The following RFTN2 variants were observed in gnomAD, a reference collection of about 807,000 sequenced individuals.
RFTN2 encodes the protein raftlin-2.
A neutral mutation model predicts 52.7 loss-of-function variants in RFTN2; 34 were observed. The ratio of observed to expected loss-of-function variants is 0.64; its 90% CI spans 0.49 to 0.86. RFTN2 has a LOEUF of 0.86. RFTN2 is among the 40% of genes least tolerant of loss of function. The probability of loss-of-function intolerance (pLI) is 0.00; values close to 1 mark genes in which losing one functional copy is unlikely to be tolerated. For synonymous variants in RFTN2, 203 were observed against 217.7 expected, an observed-to-expected ratio of 0.93 and a Z score of 0.59; for missense variants, 536 against 600.1, an observed-to-expected ratio of 0.89 and a Z score of 1.12.
intron 7 of RFTN2, among the ~76,000 whole-genome samples, chr2:197,604,692 A>G (rs971711209): frequency 6.6e-6 from 1 of 152,218 alleles, no homozygotes; most frequent in Non-Finnish European, 1.5e-5. Context: ...AGCTGTGATG[A>G]CACAGGTCTT....
intron 5 of RFTN2, among the ~76,000 whole-genome samples, chr2:197,627,270 T>G (rs1034952864): frequency 6.6e-6 from 1 of 152,196 alleles, no homozygotes; most frequent in Non-Finnish European, 1.5e-5. Flanking sequence ...TGCTGCCTTC[T>G]CAGAGGGGAC....
intron 5 of RFTN2, among the ~76,000 whole-genome samples, chr2:197,618,569 C>T (rs1204444897): frequency 4.6e-5 from 7 of 151,590 alleles, no homozygotes; most frequent in Non-Finnish European, 8.8e-5. Flanking sequence ...GTGAGGAGCC[C>T]CTCTGCCTGG....
At chr2:197,665,733 T>C (rs1021629108) in intron 1 of RFTN2, among the ~76,000 whole-genome samples, 4 of 152,020 alleles carry the variant, frequency 2.6e-5, no homozygotes, top group Non-Finnish European at 5.9e-5. Flanking sequence ...CCAGTATATA[T>C]GTTTTAAGTG....
In RFTN2 at chr2:197,601,043, G is replaced by C. The variant is rs74379805; in HGVS notation, c.1155-4974C>G. On this transcript the variant is annotated intron_variant, in intron 7 of 8. Coordinates refer to ENST00000295049, the MANE Select transcript of RFTN2 (RefSeq NM_144629.3). ...TGATCCCTGGTGCTGTGGTCAGCAC[G>C]AGGGCACAGGCTGCATGAAGGACAG... 8.8e-3 allele frequency among the ~76,000 whole-genome samples: 1,342 copies of C among 152,294 alleles called. 31 individuals carry two copies. The highest frequency in any genetic ancestry group is 0.03 in the African/African-American group (1,237 of 41,562).
At position 197,577,455 on chromosome 2, in the gene RFTN2, A is replaced by C. The variant is rs553959231; in HGVS notation, c.1234-5175T>G. ...TTCAGTTCTTTTCCTGTTTATTCCT[A>C]TTCACCAAATTTATTGAAATTAATA... On this transcript the variant is annotated intron_variant, in intron 8 of 8. Coordinates refer to ENST00000295049, the MANE Select transcript of RFTN2 (RefSeq NM_144629.3). 4.5e-4 allele frequency among the ~76,000 whole-genome samples: 68 copies of C among 152,302 alleles called. 1 individual carries two copies. The South Asian group carries it at 0.013, about 30-fold the overall frequency.
chr2:197,602,336 G>C (rs2087892875), intron 7 of RFTN2, among the ~76,000 whole-genome samples: 1 of 152,114 alleles, frequency 6.6e-6, no homozygotes, highest in African/African-American at 2.4e-5. Flanking sequence ...CTCCCAAAGT[G>C]CTGGGATTAC....
intron 1 of RFTN2, among the ~76,000 whole-genome samples, chr2:197,665,726 GTA>G (rs1334114602): frequency 6.6e-6 from 1 of 151,874 alleles, no homozygotes; most frequent in Non-Finnish European, 1.5e-5. Flanking sequence ...CATTCAGCCA[GTA>G]TATATGTTTT....
intron 1 of RFTN2, among the ~76,000 whole-genome samples, chr2:197,653,948 A>G (rs2088857823): frequency 6.6e-6 from 1 of 152,236 alleles, no homozygotes; most frequent in Admixed American, 6.5e-5. Flanking sequence ...TTATTTCAAA[A>G]AGAATTTATA....
At chr2:197,629,784 G>A (rs1016870055) in intron 5 of RFTN2, among the ~76,000 whole-genome samples, 2 of 150,950 alleles carry the variant, frequency 1.3e-5, no homozygotes, top group Admixed American at 1.3e-4. Flanking sequence ...ATGTTGTGGT[G>A]CAATCATGGC....
chr2:197,618,082 C>CG, intron 5 of RFTN2, 161 bp from the exon 6 acceptor site: 1 of 367,468 alleles, frequency 2.7e-6, no homozygotes, highest in South Asian at 3.0e-5. Context: ...CTCCCTCTCC[C>CG]TCTCCCCACG....
chr2:197,629,107 A>G lies in RFTN2; in HGVS notation c.928+1904T>C, dbSNP rs1166522057. 2.0e-5 allele frequency among the ~76,000 whole-genome samples: 3 copies of G among 152,244 alleles called. No homozygotes were observed. The East Asian group carries it at 5.8e-4, about 29-fold the overall frequency. On this transcript the variant is annotated intron_variant, in intron 5 of 8. Coordinates refer to ENST00000295049, the MANE Select transcript of RFTN2 (RefSeq NM_144629.3). Reference sequence around the variant, plus strand: ...ATCCCATTACTGCGTATATACCCAAAGGATTATAAATCATGCTGCTATAAA... The same window carrying G: ...ATCCCATTACTGCGTATATACCCAAGGGATTATAAATCATGCTGCTATAAA...
chr2:197,670,312 T>G (rs1289586121), intron 1 of RFTN2, among the ~76,000 whole-genome samples: 2 of 152,242 alleles, frequency 1.3e-5, no homozygotes, highest in East Asian at 3.8e-4. Flanking sequence ...CCGGGTTGTT[T>G]ACACCTTTGG....
rs1175144620 is a variant in RFTN2 at position 197,577,804 on chromosome 2, T to C, written c.1234-5524A>G. On this transcript the variant is annotated intron_variant, in intron 8 of 8. Transcript: ENST00000295049. ...TCATTACTATTTACAATTGCTTGACTACCTCCTGGGCTCAAGCAATTCTCC... is the reference window on the plus strand; with the variant it reads ...TCATTACTATTTACAATTGCTTGACCACCTCCTGGGCTCAAGCAATTCTCC... 3.9e-5 allele frequency among the ~76,000 whole-genome samples: 6 copies of C among 152,286 alleles called. No homozygotes were observed. The East Asian group carries it at 1.2e-3, about 29-fold the overall frequency.
intron 6 of RFTN2, 140 bp downstream of exon 6, chr2:197,617,659 TA>T: frequency 4.7e-6 from 1 of 213,836 alleles, no homozygotes; most frequent in Non-Finnish European, 8.4e-6. Flanking sequence ...CCAGCCTGGG[TA>T]ACAGAGTAAG....
chr2:197,615,844 A>C, intron 7 of RFTN2, 32 bp downstream of exon 7: 2 of 1,085,804 alleles, frequency 1.8e-6, no homozygotes, highest in Non-Finnish European at 2.7e-6. Flanking sequence ...ATTAGAATTA[A>C]ATGATAGTAT....
At chr2:197,602,299 T>C (rs1259463629) in intron 7 of RFTN2, among the ~76,000 whole-genome samples, 1 of 152,020 alleles carries the variant, frequency 6.6e-6, no homozygotes, top group Non-Finnish European at 1.5e-5. Context: ...TCAAACTCCT[T>C]ACCTCAGGTG....
At chr2:197,656,878 A>T (rs2088901815) in intron 1 of RFTN2, among the ~76,000 whole-genome samples, 1 of 152,176 alleles carries the variant, frequency 6.6e-6, no homozygotes, top group South Asian at 2.1e-4. Flanking sequence ...TACTAGGCTG[A>T]TAAAACAAAG....
In RFTN2 at chr2:197,675,484, G is replaced by T. The variant is rs766685790; in HGVS notation, c.-26C>A. ...GGCAAAATCTGTAAGGAATTAAATT[G>T]CAGGAAAGGGGAGGGAGAGCAGCAA... On this transcript the variant is annotated 5_prime_UTR_variant, in exon 1 of 9. Transcript: ENST00000295049. 9 of 1,490,784 alleles carry T rather than the reference G, an allele frequency of 6.0e-6. No homozygotes were observed. The highest frequency in any genetic ancestry group is 8.1e-6 in the Non-Finnish European group (9 of 1,117,202). The allele number at this position is 1,490,784 out of a possible 1,614,324, so 92.3% of individuals were successfully genotyped here. A position where few individuals can be genotyped will look rare whatever the true frequency, so the allele number is the denominator to read the frequency against.
intron 1 of RFTN2, among the ~76,000 whole-genome samples, chr2:197,653,081 A>T (rs1361208598): frequency 6.6e-6 from 1 of 152,210 alleles, no homozygotes; most frequent in Non-Finnish European, 1.5e-5. Flanking sequence ...TATACTATTT[A>T]CCTAATTATA....
Sources: allele counts gnomAD v4.1 joint callset (sites outside exome capture counted in the v4.1 genomes callset), GRCh38; gene constraint gnomAD v4.1.1; transcripts MANE v1.5; gene names NCBI Gene and HGNC (gene_info 2026-07-23, HGNC 2026-07-21).